The following SVIL variants were observed in gnomAD, a reference collection of about 807,000 sequenced individuals.
The protein encoded by SVIL is supervillin, also known as archvillin.
In SVIL, 101 loss-of-function variants were observed where a neutral mutation model predicts 240.4. The observed-to-expected ratio is 0.42, with a 90% CI of 0.36 to 0.50. The LOEUF (loss-of-function observed/expected upper bound fraction) is 0.50. Among genes scored for constraint, SVIL ranks in the 20% least tolerant of loss-of-function variants. The pLI is 0.01. For synonymous variants in SVIL, 999 were observed against 1,100.0 expected (o/e 0.91, Z 1.82); for missense variants, 2,512 against 2,818.7 (o/e 0.89, Z 2.46).
chr10:29,596,699 C>T (rs1164659686), intron 1 of SVIL, among the ~76,000 whole-genome samples: 4 of 152,186 alleles, frequency 2.6e-5, no homozygotes, highest in African/African-American at 9.7e-5. Context: ...AACCAAGTTC[C>T]CACCAAGGGC....
At chr10:29,729,601 C>T (rs959288285) in intron 1 of SVIL, among the ~76,000 whole-genome samples, 4 of 149,474 alleles carry the variant, frequency 2.7e-5, no homozygotes, top group Non-Finnish European at 4.4e-5. Flanking sequence ...TTTGGGAGGC[C>T]GAGGTGGGCA....
chr10:29,652,012 C>CACACAA (rs1261728927), intron 3 of SVIL, among the ~76,000 whole-genome samples: 1 of 143,972 alleles, frequency 6.9e-6, no homozygotes, highest in East Asian at 2.1e-4. Flanking sequence ...GTAAGACACA[C>CACACAA]ACACAAACAC....
chr10:29,641,336 G>A (rs1455460769), intron 3 of SVIL, among the ~76,000 whole-genome samples: 2 of 151,968 alleles, frequency 1.3e-5, no homozygotes, highest in Non-Finnish European at 2.9e-5. Flanking sequence ...TTTGGAAGGC[G>A]GAGGTGGGAG....
intron 22 of SVIL, among the ~76,000 whole-genome samples, chr10:29,490,398 T>G (rs1269054780): frequency 6.6e-6 from 1 of 152,128 alleles, no homozygotes; most frequent in Non-Finnish European, 1.5e-5. Context: ...ATGGCTGAAT[T>G]ACCATACTCA....
At chr10:29,504,289 T>C (rs1564530655) in intron 17 of SVIL, among the ~76,000 whole-genome samples, 2 of 152,222 alleles carry the variant, frequency 1.3e-5, no homozygotes, top group Non-Finnish European at 1.5e-5. Context: ...ATTTGGTGAT[T>C]AGTTTTTAGA....
intron 2 of SVIL, among the ~76,000 whole-genome samples, chr10:29,669,837 G>T (rs149495546): frequency 2.0e-5 from 3 of 152,172 alleles, no homozygotes; most frequent in Non-Finnish European, 4.4e-5. Flanking sequence ...GAAAGTTGCC[G>T]GCTGTGGTGG....
At chr10:29,680,550 C>A (rs908482374) in intron 2 of SVIL, among the ~76,000 whole-genome samples, 1 of 152,198 alleles carries the variant, frequency 6.6e-6, no homozygotes, top group African/African-American at 2.4e-5. Context: ...AGCCTCAGGG[C>A]TATCACCAAA....
In SVIL at chr10:29,471,215, G is replaced by A. The variant is rs1379271234; in HGVS notation, c.5558C>T (p.Pro1853Leu). Reference sequence around the variant, plus strand: ...CCCCTGGAAACACTGCAGGAAACAGGGGGGCTCCTTTCCCTGGAGAACCTG... The same window carrying A: ...CCCCTGGAAACACTGCAGGAAACAGAGGGGCTCCTTTCCCTGGAGAACCTG... ...QVQVLQGKEP[P>L]CFLQCFQGGM... is the part of the protein sequence containing the mutation. The change falls in exon 31 of 38, where the codon CCC (proline) becomes CTC (leucine). Residue 1853 changes from proline (P) to leucine (L), a missense_variant. By Grantham distance (98) the Pro-to-Leu change is moderately conservative. This residue lies in a region of SVIL where 797 missense variants were observed against 925.3 expected (regional missense o/e 0.86). Transcript: ENST00000355867. The A allele has an allele frequency of 1.9e-6, 3 of 1,613,152 alleles. No individual in the cohort carries two copies. The highest frequency in any genetic ancestry group is 2.5e-6 in the Non-Finnish European group (3 of 1,179,292).
At chr10:29,485,312 A>G (rs1300627793) in intron 26 of SVIL, among the ~76,000 whole-genome samples, 1 of 152,032 alleles carries the variant, frequency 6.6e-6, no homozygotes, top group Non-Finnish European at 1.5e-5. Context: ...GGTGATACAT[A>G]CAGGAGGGGT....
chr10:29,521,816 G>T (rs970666081), intron 16 of SVIL, among the ~76,000 whole-genome samples: 2 of 152,080 alleles, frequency 1.3e-5, no homozygotes, highest in Non-Finnish European at 2.9e-5. Context: ...AAGAAATTAG[G>T]CTACTGTGTT....
At chr10:29,498,544 A>C (rs1036994763) in intron 18 of SVIL, among the ~76,000 whole-genome samples, 10 of 152,370 alleles carry the variant, frequency 6.6e-5, no homozygotes, top group African/African-American at 2.4e-4. Flanking sequence ...GGAATTATGC[A>C]TCACTGTTTT....
intron 3 of SVIL, among the ~76,000 whole-genome samples, chr10:29,641,040 AT>A (rs1357743129): frequency 1.3e-5 from 2 of 152,108 alleles, no homozygotes; most frequent in African/African-American, 4.8e-5. Context: ...TCTTTTTTAT[AT>A]TTTATGTTTT....
rs1384149009 is a variant in SVIL, at chr10:29,695,801, TCTCCCGTCTCCCTCTCC to T, written c.-399-9167_-399-9151del. 6.7e-4 allele frequency among the ~76,000 whole-genome samples: 94 copies of T among 140,740 alleles called. 1 individual carries two copies. Among genetic ancestry groups the T allele is most frequent in the African/African-American group, 2.4e-3 (89 of 36,962 alleles). The allele number at this position is 140,740 out of a possible 152,430, so 92.3% of individuals were successfully genotyped here. ...CAAACAGCTCCCGTCTCCCTCTCCCTCTCCCGTCTCCCTCTCCCGTCTCCCTCTCCCTCTCCCGTCTC... is the reference window on the plus strand; with the variant it reads ...CAAACAGCTCCCGTCTCCCTCTCCCTCGTCTCCCTCTCCCTCTCCCGTCTC... On this transcript the variant is annotated intron_variant, in intron 1 of 35. Transcript: ENST00000375400.
intron 1 of SVIL, among the ~76,000 whole-genome samples, chr10:29,588,672 A>T (rs1012611983): frequency 2.0e-5 from 3 of 152,216 alleles, no homozygotes; most frequent in Admixed American, 2.0e-4. Context: ...TCACTATGCC[A>T]AACGGAAAGT....
At chr10:29,580,385 T>C (rs1040939785) in intron 1 of SVIL, among the ~76,000 whole-genome samples, 1 of 152,100 alleles carries the variant, frequency 6.6e-6, no homozygotes, top group East Asian at 1.9e-4. Flanking sequence ...AAACAGCCAT[T>C]CCCTGGCCAG....
Position 29,522,609 on chromosome 10 carries a change from C to G in SVIL, c.3190G>C (p.Glu1064Gln), listed in dbSNP as rs577806276. The G allele has an allele frequency of 1.9e-6, 3 of 1,614,014 alleles. No individual in the cohort carries two copies. Residue 1064 changes from glutamate to glutamine, a missense_variant, in exon 16 of 38, where the codon GAG (glutamate) becomes CAG (glutamine). Around this residue, in one of 3 missense-constraint regions of SVIL, gnomAD observed 1,443 missense variants for 1,486.6 expected, o/e 0.97. Transcript: ENST00000355867. ...TTCCCAGCAGCTGTCCCCGTCTGCT[C>G]GGAAGTGGGCTCCCCGAACTCTGCC... is the stretch of plus-strand genomic sequence containing the variant. ...RAAEFGEPTS[E>Q]QTGTAAGKTI...
chr10:29,492,843 A>C (rs1729474264), intron 21 of SVIL, among the ~76,000 whole-genome samples: 2 of 152,246 alleles, frequency 1.3e-5, no homozygotes, highest in African/African-American at 4.8e-5. Context: ...ATGAGCAAGA[A>C]TTCAATATGT....
chr10:29,689,194 A>T (rs1212241677), intron 1 of SVIL, among the ~76,000 whole-genome samples: 3 of 152,202 alleles, frequency 2.0e-5, no homozygotes, highest in Non-Finnish European at 4.4e-5. Flanking sequence ...ATTTATGCCA[A>T]AAGGAAGTGA....
At chr10:29,688,125 A>AT (rs1202797055) in intron 1 of SVIL, among the ~76,000 whole-genome samples, 1 of 152,222 alleles carries the variant, frequency 6.6e-6, no homozygotes, top group African/African-American at 2.4e-5. Context: ...TGAACAAACT[A>AT]TTTTCCCCCA....
Sources: allele counts gnomAD v4.1 joint callset (sites outside exome capture counted in the v4.1 genomes callset), GRCh38; gene constraint gnomAD v4.1.1; regional missense constraint gnomAD v4.1.1; transcripts MANE v1.5; gene names NCBI Gene and HGNC (gene_info 2026-07-23, HGNC 2026-07-21).